Variants in CNOT2 observed in about 807,000 individuals in gnomAD.
The protein encoded by CNOT2 is CC chemokine receptor 4-negative regulator of transcription 2.
A neutral mutation model predicts 72.1 loss-of-function variants in CNOT2; 7 were observed. The ratio of observed to expected loss-of-function variants is 0.10; its 90% CI spans 0.06 to 0.18. CNOT2 has a LOEUF of 0.18. Among genes scored for constraint, CNOT2 ranks in the 10% least tolerant of loss-of-function variants. The probability of loss-of-function intolerance (pLI) is 1.00; values close to 1 mark genes in which losing one functional copy is unlikely to be tolerated. For missense variants in CNOT2, 345 were observed against 660.3 expected (o/e 0.52, Z 5.23); for synonymous variants, 196 against 225.6 (o/e 0.87, Z 1.17).
intron 2 of CNOT2, among the ~76,000 whole-genome samples, chr12:70,283,076 C>T (rs1004356846): frequency 6.6e-6 from 1 of 152,052 alleles, no homozygotes; most frequent in African/African-American, 2.4e-5. Flanking sequence ...TTTTATACTG[C>T]AATAAAATTG....
intron 6 of CNOT2, chr12:70,332,543 T>C: frequency 1.6e-6 from 1 of 612,944 alleles, no homozygotes; most frequent in East Asian, 4.6e-5. Context: ...GTTTTTGTTT[T>C]TTAACTAATC....
At chr12:70,268,066 T>C (rs1318682849) in intron 1 of CNOT2, among the ~76,000 whole-genome samples, 1 of 152,246 alleles carries the variant, frequency 6.6e-6, no homozygotes, top group Admixed American at 6.5e-5. Context: ...TCCATTTTTT[T>C]CCCATTCATT....
intron 2 of CNOT2, among the ~76,000 whole-genome samples, chr12:70,309,011 T>G (rs1269696442): frequency 6.6e-6 from 1 of 152,168 alleles, no homozygotes; most frequent in Non-Finnish European, 1.5e-5. Flanking sequence ...AAAAACAAAC[T>G]TCTAAAATCT....
chr12:70,243,167 C>G (rs988579612), upstream of CNOT2: 1 of 152,368 alleles, frequency 6.6e-6, no homozygotes, highest in Non-Finnish European at 1.5e-5. Context: ...GCAGAAGCCC[C>G]GCTCTCTGTA....
At chr12:70,308,584 T>TCTCTCACTCA (rs550679130) in intron 2 of CNOT2, among the ~76,000 whole-genome samples, 1 of 133,240 alleles carries the variant, frequency 7.5e-6, no homozygotes, top group African/African-American at 2.8e-5. Context: ...TCTCTCTCTC[T>TCTCTCACTCA]CACACACACA....
At chr12:70,315,806 C>T (rs1877233037) in intron 3 of CNOT2, among the ~76,000 whole-genome samples, 1 of 151,988 alleles carries the variant, frequency 6.6e-6, no homozygotes, top group South Asian at 2.1e-4. Flanking sequence ...CTTTTTCTAC[C>T]GTTTGCCACT....
chr12:70,259,585 A>T (rs1442422350), intron 1 of CNOT2, among the ~76,000 whole-genome samples: 1 of 152,034 alleles, frequency 6.6e-6, no homozygotes, highest in Non-Finnish European at 1.5e-5. Flanking sequence ...TTTTCTAGAG[A>T]TTCGAACAAA....
rs1314317748 is a variant in CNOT2 at position 70,338,486 on chromosome 12, C to T, written c.944C>T (p.Pro315Leu). 1.2e-6 allele frequency: 2 copies of T among 1,612,582 alleles called. No individual in the cohort carries two copies. The highest frequency in any genetic ancestry group is 1.7e-6 in the Non-Finnish European group (2 of 1,179,284). ...SGKTTSSTDGPKFPGDKSSTT... is the reference protein window; with the variant it reads ...SGKTTSSTDGLKFPGDKSSTT... ...AAGACAACTTCAAGTACAGATGGAC[C>T]CAAATTCCCTGGAGATAAAAGTTCA... is the stretch of plus-strand genomic sequence containing the variant. Residue 315 changes from proline (P) to leucine (L), a missense_variant, in exon 10 of 16, where the codon CCC becomes CTC. Transcript: ENST00000229195.
In CNOT2 at chr12:70,257,285, A is replaced by G. The variant is rs118029608; in HGVS notation, c.-96+13805A>G. The stretch of plus-strand genomic sequence containing the variant: ...GAGGTTAGAAGGAGTAAATGACAAC[A>G]TATGTATAGCATTTAGCACATCCGA... On this transcript the variant is annotated intron_variant, in intron 1 of 15. Coordinates refer to ENST00000229195, the MANE Select transcript of CNOT2 (RefSeq NM_014515.7). Among the ~76,000 whole-genome samples the G allele has an allele frequency of 8.3e-4, 126 of 151,884 alleles. 3 individuals are homozygous for G. In the East Asian group the frequency reaches 0.013, roughly 16 times the overall value.
At chr12:70,262,340 C>G (rs1312246706) in intron 1 of CNOT2, among the ~76,000 whole-genome samples, 1 of 152,182 alleles carries the variant, frequency 6.6e-6, no homozygotes, top group Non-Finnish European at 1.5e-5. Context: ...ATGGCGCAAT[C>G]TCGGCTCACT....
chr12:70,325,857 CTTTA>C (rs1239612929), intron 4 of CNOT2, among the ~76,000 whole-genome samples: 3 of 151,632 alleles, frequency 2.0e-5, no homozygotes, highest in Non-Finnish European at 2.9e-5. Context: ...TTTTAGGGGA[CTTTA>C]TTTAAGTATG....
intron 2 of CNOT2, among the ~76,000 whole-genome samples, chr12:70,301,175 A>G (rs368858981): frequency 6.6e-6 from 1 of 152,186 alleles, no homozygotes; most frequent in Non-Finnish European, 1.5e-5. Context: ...AACAGGGTCA[A>G]TTTGACTTCC....
At chr12:70,260,550 G>A (rs1319293522) in intron 1 of CNOT2, among the ~76,000 whole-genome samples, 3 of 151,840 alleles carry the variant, frequency 2.0e-5, no homozygotes, top group African/African-American at 7.3e-5. Flanking sequence ...AAAATCTTAA[G>A]TATTAAACTG....
chr12:70,349,167 G>T (rs1299636037), intron 15 of CNOT2, among the ~76,000 whole-genome samples: 1 of 152,028 alleles, frequency 6.6e-6, no homozygotes, highest in East Asian at 1.9e-4. Flanking sequence ...ATATTAACGG[G>T]ATAAATTTTT....
intron 2 of CNOT2, among the ~76,000 whole-genome samples, chr12:70,308,842 A>C (rs1875945432): frequency 6.6e-6 from 1 of 152,160 alleles, no homozygotes; most frequent in Non-Finnish European, 1.5e-5. Flanking sequence ...ATTTGAGCTT[A>C]TTTATGTGTA....
chr12:70,244,297 C>T (rs1957764226), intron 1 of CNOT2: 1 of 152,216 alleles, frequency 6.6e-6, no homozygotes, highest in Non-Finnish European at 1.5e-5. Context: ...TCTACTTCCG[C>T]AGGGGCCTCT....
Position 70,342,259 on chromosome 12 carries a change from C to T in CNOT2, c.1242C>T (p.Asp414=), listed in dbSNP as rs372324127. The T allele has an allele frequency of 1.2e-6, 2 of 1,613,626 alleles. No homozygotes were observed. Among genetic ancestry groups the T allele is most frequent in the African/African-American group, 2.7e-5 (2 of 74,884 alleles). The part of the protein sequence containing the change: ...ASSPCRPQDI[D]FHVPSEYLTN... ...GGCTTTTTTCATTTTATTATCCAGA[C>T]TTCCATGTTCCATCTGAGTACTTAA... The change falls in exon 13 of 16, where the codon GAC becomes GAT. Residue 414 remains aspartate (D), a splice_region_variant and synonymous_variant. Transcript: ENST00000229195.
chr12:70,293,911 C>T (rs1399187692), intron 2 of CNOT2, among the ~76,000 whole-genome samples: 6 of 121,898 alleles, frequency 4.9e-5, no homozygotes, highest in African/African-American at 1.2e-4. Flanking sequence ...GTGGTGAGCA[C>T]TGCTTTTTTT....
Position 70,255,361 on chromosome 12 carries a change from C to T in CNOT2, c.-96+11881C>T, listed in dbSNP as rs534739140. The stretch of plus-strand genomic sequence containing the variant: ...AGTTAGAGCATTGAGAATGTCAGTG[C>T]AGTAGTTTGAAACTCTTGTGTATTC... On this transcript the variant is annotated intron_variant, in intron 1 of 15. Coordinates refer to ENST00000229195, the MANE Select transcript of CNOT2 (RefSeq NM_014515.7). Among the ~76,000 whole-genome samples the T allele has an allele frequency of 3.3e-5, 5 of 152,160 alleles. No homozygotes were observed. In the South Asian group the frequency reaches 1.0e-3, roughly 32 times the overall value.
Sources: allele counts gnomAD v4.1 joint callset (sites outside exome capture counted in the v4.1 genomes callset), GRCh38; gene constraint gnomAD v4.1.1; transcripts MANE v1.5; gene names NCBI Gene and HGNC (gene_info 2026-07-23, HGNC 2026-07-21).